SYT16: variants seen among roughly 807,000 people sequenced by gnomAD.
SYT16 encodes the protein synaptotagmin 16.
A neutral mutation model predicts 61.4 loss-of-function variants in SYT16; 42 were observed. The ratio of observed to expected loss-of-function variants is 0.68; its 90% CI spans 0.53 to 0.89. The LOEUF is 0.89. SYT16 is among the 40% of genes least tolerant of loss of function. SYT16 has a pLI of 0.00. For missense variants in SYT16, 804 were observed against 807.3 expected (o/e 1.00, Z 0.05); for synonymous variants, 314 against 302.3 (o/e 1.04, Z -0.40).
At position 61,922,825 on chromosome 14, in the gene SYT16, C is replaced by T. The variant is rs1003188672; in HGVS notation, c.-324-47307C>T. On this transcript the variant is annotated intron_variant, in intron 1 of 7. Coordinates refer to ENST00000683842, the MANE Select transcript of SYT16 (RefSeq NM_001367656.1). ...ACCACTTTGGGAGGCCAAGGCAGGC[C>T]GATCACAAGGTCAGGAGTTCGAGAC... is the stretch of plus-strand genomic sequence containing the variant. Among the ~76,000 whole-genome samples, 11 of 152,148 alleles carry T rather than the reference C, an allele frequency of 7.2e-5. No individual in the cohort carries two copies. In the South Asian group the frequency reaches 8.3e-4, roughly 12 times the overall value.
At chr14:61,953,408 C>G (rs2050748035) in intron 1 of SYT16, among the ~76,000 whole-genome samples, 1 of 151,928 alleles carries the variant, frequency 6.6e-6, no homozygotes, top group South Asian at 2.1e-4. Flanking sequence ...AAACTTCAAC[C>G]TCCATATAAT....
At chr14:61,849,206 A>T (rs2046535194) in intron 1 of SYT16, among the ~76,000 whole-genome samples, 1 of 151,744 alleles carries the variant, frequency 6.6e-6, no homozygotes, top group Non-Finnish European at 1.5e-5. Flanking sequence ...AATTGTCTTT[A>T]CTCTTCTCTC....
At chr14:62,072,847 C>G (rs1375988709) in intron 4 of SYT16, among the ~76,000 whole-genome samples, 1 of 152,004 alleles carries the variant, frequency 6.6e-6, no homozygotes, top group African/African-American at 2.4e-5. Flanking sequence ...TTTATTCCAT[C>G]AAAGTGGGAT....
At chr14:61,972,965 A>G (rs117893844) in intron 2 of SYT16, among the ~76,000 whole-genome samples, 4,325 of 152,300 alleles carry the variant, frequency 0.028, 80 homozygotes, top group Admixed American at 0.04. Flanking sequence ...CTTTCAGTCT[A>G]TGAATGGAAG....
chr14:61,850,746 T>C (rs1196973766), intron 1 of SYT16, among the ~76,000 whole-genome samples: 1 of 152,328 alleles, frequency 6.6e-6, no homozygotes, highest in South Asian at 2.1e-4. Flanking sequence ...CTATTATGTG[T>C]TGGTAATCAT....
intron 1 of SYT16, among the ~76,000 whole-genome samples, chr14:61,878,557 C>T (rs1167176263): frequency 6.6e-6 from 1 of 152,192 alleles, no homozygotes; most frequent in Non-Finnish European, 1.5e-5. Flanking sequence ...AACCTCACAT[C>T]TCTCACACTG....
chr14:61,858,120 C>CAAAAAAAAAAAAAAAAAAAAAAAGAA (rs2046837291), intron 1 of SYT16, among the ~76,000 whole-genome samples: 2 of 43,218 alleles, frequency 4.6e-5, no homozygotes, highest in Admixed American at 3.7e-4. Context: ...CACAGCTTGG[C>CAAAAAAAAAAAAAAAAAAAAAAAGAA]AAAAAAAAAA....
chr14:61,914,914 T>C (rs972267227), intron 1 of SYT16, among the ~76,000 whole-genome samples: 3 of 152,172 alleles, frequency 2.0e-5, no homozygotes, highest in Admixed American at 6.6e-5. Context: ...TTTCCAATTA[T>C]GTCTAGAATC....
At chr14:62,090,968 C>T (rs181591743) in intron 7 of SYT16, among the ~76,000 whole-genome samples, 29 of 152,248 alleles carry the variant, frequency 1.9e-4, no homozygotes, top group Admixed American at 4.6e-4. Context: ...GAGAACAGCA[C>T]GGAAAGACCC....
intron 7 of SYT16, among the ~76,000 whole-genome samples, chr14:62,090,127 TTC>T (rs1463515651): frequency 1.3e-5 from 2 of 152,246 alleles, no homozygotes; most frequent in Non-Finnish European, 2.9e-5. Flanking sequence ...TGTTGACAGG[TTC>T]TCTTTCTCCA....
chr14:62,043,335 T>G (rs2054817413), intron 3 of SYT16, among the ~76,000 whole-genome samples: 1 of 151,966 alleles, frequency 6.6e-6, no homozygotes, highest in African/African-American at 2.4e-5. Flanking sequence ...GTTGAGAAAG[T>G]TATCTTCTAT....
At chr14:61,824,435 C>T (rs917426828) in intron 1 of SYT16, among the ~76,000 whole-genome samples, 4 of 152,218 alleles carry the variant, frequency 2.6e-5, no homozygotes, top group South Asian at 2.1e-4. Flanking sequence ...TCACTGCAAC[C>T]TCCACCTCCC....
chr14:62,021,673 A>G (rs2053916144), intron 3 of SYT16, among the ~76,000 whole-genome samples: 1 of 127,402 alleles, frequency 7.8e-6, no homozygotes, highest in Non-Finnish European at 1.8e-5. Context: ...CCAAGAATGG[A>G]CTAAAAGGGA....
chr14:61,878,882 T>C (rs1016525602), intron 1 of SYT16, among the ~76,000 whole-genome samples: 1 of 152,140 alleles, frequency 6.6e-6, no homozygotes, highest in African/African-American at 2.4e-5. Flanking sequence ...AGCAGGGGCT[T>C]GGAGTGGCAT....
At position 62,107,119 on chromosome 14, in the gene SYT16, TACAA is replaced by T. The variant is rs1475614013; in HGVS notation, c.*6414_*6417del. ...AGTTGCTGGGGTTTTGTTTGTTTTA[TACAA>T]AATTTATTCATTCAAAAAGATCTTT... On this transcript the variant is annotated 3_prime_UTR_variant, in exon 8 of 8. Transcript: ENST00000683842. 4 of 150,834 alleles carry T rather than the reference TACAA, an allele frequency of 2.7e-5. No homozygotes were observed. The highest frequency in any genetic ancestry group is 5.9e-5 in the Non-Finnish European group (4 of 67,736). The allele number at this position is 150,834 out of a possible 1,614,324, so 9.3% of individuals were successfully genotyped here.
chr14:61,941,485 T>C (rs1015427576), intron 1 of SYT16, among the ~76,000 whole-genome samples: 4 of 152,222 alleles, frequency 2.6e-5, no homozygotes, highest in Non-Finnish European at 5.9e-5. Flanking sequence ...TCTGGGACTC[T>C]TCTTGCAATC....
intron 1 of SYT16, among the ~76,000 whole-genome samples, chr14:61,965,736 C>G (rs947175140): frequency 2.0e-5 from 3 of 151,586 alleles, no homozygotes; most frequent in African/African-American, 7.3e-5. Context: ...AAGTTTGTAG[C>G]TGAAGAAATA....
intron 1 of SYT16, among the ~76,000 whole-genome samples, chr14:61,825,665 A>T (rs1454714527): frequency 6.6e-6 from 1 of 152,210 alleles, no homozygotes; most frequent in Non-Finnish European, 1.5e-5. Context: ...CCTGGACAAC[A>T]GAGCAAGACT....
intron 1 of SYT16, among the ~76,000 whole-genome samples, chr14:61,876,574 C>G (rs977043522): frequency 2.6e-5 from 4 of 152,206 alleles, no homozygotes; most frequent in Admixed American, 1.3e-4. Context: ...CGAGGAACAG[C>G]TGTGACTCTT....
Sources: gnomAD v4.1 joint callset for allele counts (sites outside exome capture counted in the v4.1 genomes callset) on GRCh38, gnomAD v4.1.1 for gene constraint, MANE v1.5 for transcripts, NCBI Gene and HGNC (gene_info 2026-07-23, HGNC 2026-07-21) for gene names.